ERICH3: variants seen among roughly 807,000 people sequenced by gnomAD.
ERICH3 encodes glutamate rich 3.
In ERICH3, 126 loss-of-function variants were observed where a neutral mutation model predicts 131.1. The observed-to-expected ratio is 0.96, with a 90% confidence interval of 0.83 to 1.11. The LOEUF is 1.11. ERICH3 is among the 50% of genes most tolerant of loss of function. ERICH3 has a pLI of 0.00. For synonymous variants in ERICH3, 695 were observed against 644.6 expected (o/e 1.08, Z -1.18); for missense variants, 2,050 against 1,810.7 (o/e 1.13, Z -2.40).
chr1:74,646,885 G>T, intron 2 of ERICH3, 93 bp from the exon 3 acceptor site: 1 of 293,686 alleles, frequency 3.4e-6, no homozygotes, highest in Non-Finnish European at 6.1e-6. Flanking sequence ...GGAGAAGACA[G>T]ACAGACACAC....
In ERICH3 at chr1:74,612,680, C is replaced by T. The variant is rs1197158563; in HGVS notation, c.1130G>A (p.Gly377Glu). The part of the protein sequence containing the change: ...EYKHRKGSRL[G>E]GKRGYFGFVC... ...AAACCCAAAGTAGCCTCGTTTGCCT[C>T]CAAGCCTGGAACCTTTCCGATGCTT... The change falls in exon 9 of 15, where the codon GGA becomes GAA. Residue 377 changes from glycine to glutamate, a missense_variant. Gly to Glu is a moderately conservative substitution (Grantham distance 98). Transcript: ENST00000326665. The T allele has an allele frequency of 6.3e-7, 1 of 1,596,010 alleles. No homozygotes were observed. Among genetic ancestry groups the T allele is most frequent in the Non-Finnish European group, 8.6e-7 (1 of 1,166,630 alleles).
At chr1:74,623,266 C>T (rs1649291713) in intron 7 of ERICH3, 1 of 152,188 alleles carries the variant, frequency 6.6e-6, no homozygotes, top group Admixed American at 6.5e-5. Context: ...TTTCAGATTT[C>T]TCAGGCAAGT....
At chr1:74,640,633 A>G (rs1465169885) in intron 5 of ERICH3, among the ~76,000 whole-genome samples, 3 of 152,166 alleles carry the variant, frequency 2.0e-5, no homozygotes, top group Non-Finnish European at 4.4e-5. Flanking sequence ...CTGTATCTAT[A>G]TTATTTCAAG....
intron 1 of ERICH3, among the ~76,000 whole-genome samples, chr1:74,659,011 A>G (rs1046928809): frequency 5.9e-5 from 9 of 152,170 alleles, no homozygotes; most frequent in African/African-American, 2.2e-4. Context: ...CCACATATAC[A>G]TTTGCCTGTG....
rs771793405 is a variant in ERICH3, at chr1:74,572,756, T to A, written c.2954A>T (p.Lys985Ile). Residue 985 changes from lysine (K) to isoleucine (I), a missense_variant, in exon 14 of 15, where the codon AAA becomes ATA. Lys to Ile is a moderately radical substitution (Grantham distance 102). Coordinates refer to ENST00000326665, the MANE Select transcript of ERICH3 (RefSeq NM_001002912.5). The part of the protein sequence containing the change: ...LGGEEPAKER[K>I]EVMRTETRLS... Reference sequence around the variant, plus strand: ...GCGTGTTTCTGTTCTCATAACCTCTTTTCTCTCTTTGGCTGGTTCCTCTCC... The same window carrying A: ...GCGTGTTTCTGTTCTCATAACCTCTATTCTCTCTTTGGCTGGTTCCTCTCC... 1 of 1,613,884 alleles carries A rather than the reference T, an allele frequency of 6.2e-7. No homozygotes were observed. The highest frequency in any genetic ancestry group is 2.2e-5 in the East Asian group (1 of 44,836).
intron 1 of ERICH3, among the ~76,000 whole-genome samples, chr1:74,672,531 C>T (rs572093924): frequency 3.6e-4 from 55 of 152,214 alleles, no homozygotes; most frequent in Admixed American, 1.5e-3. Flanking sequence ...TCCAACACAA[C>T]GACTAATGTG....
intron 11 of ERICH3, among the ~76,000 whole-genome samples, chr1:74,591,483 G>C (rs968555220): frequency 6.6e-6 from 1 of 152,176 alleles, no homozygotes; most frequent in Non-Finnish European, 1.5e-5. Context: ...GGCTCTTTGA[G>C]TCTGAGGGTG....
intron 12 of ERICH3, among the ~76,000 whole-genome samples, chr1:74,584,483 A>G (rs1228431620): frequency 1.3e-5 from 2 of 152,014 alleles, no homozygotes; most frequent in South Asian, 2.1e-4. Flanking sequence ...TATGCTCCCA[A>G]TTTGGGGCCA....
At chr1:74,631,949 A>T (rs1259143131) in intron 6 of ERICH3, 21 bp from the exon 7 acceptor site, 1 of 1,593,926 alleles carries the variant, frequency 6.3e-7, no homozygotes, top group South Asian at 1.1e-5. Flanking sequence ...ATTTCATCGC[A>T]TAAGAACCAG....
At chr1:74,636,481 G>T (rs1342262922) in intron 5 of ERICH3, 43 bp from the exon 6 acceptor site, 1 of 1,557,892 alleles carries the variant, frequency 6.4e-7, no homozygotes, top group Non-Finnish European at 8.7e-7. Flanking sequence ...TTAGTATCTT[G>T]ACATGTTTCC....
At chr1:74,649,961 T>C (rs561604881) in intron 1 of ERICH3, among the ~76,000 whole-genome samples, 77 of 152,244 alleles carry the variant, frequency 5.1e-4, no homozygotes, top group African/African-American at 1.8e-3. Flanking sequence ...ACATAATATG[T>C]AATTGTTTAT....
rs749216731 is a variant in ERICH3 at position 74,590,033 on chromosome 1, T to A, written c.1774A>T (p.Ser592Cys). ...STSSRSHPYS[S>C]DSEDESAVGD... The stretch of plus-strand genomic sequence containing the variant: ...ACTGCAGATTCATCCTCACTGTCAC[T>A]AGAATAAGGGTGACTTCTGGATGAG... Residue 592 changes from serine (S) to cysteine (C), a missense_variant, in exon 12 of 15, where the codon AGT (serine) becomes TGT (cysteine). Transcript: ENST00000326665. The A allele has an allele frequency of 6.2e-7, 1 of 1,613,754 alleles. No individual in the cohort carries two copies. Among genetic ancestry groups the A allele is most frequent in the African/African-American group, 1.3e-5 (1 of 75,044 alleles).
intron 1 of ERICH3, among the ~76,000 whole-genome samples, chr1:74,650,935 TAGAC>T (rs1234295947): frequency 1.4e-5 from 2 of 147,792 alleles, no homozygotes; most frequent in African/African-American, 5.0e-5. Context: ...CAGACAGAGA[TAGAC>T]AGAGGCAGAG....
chr1:74,584,740 T>C (rs1176542593), intron 12 of ERICH3, among the ~76,000 whole-genome samples: 2 of 152,288 alleles, frequency 1.3e-5, no homozygotes, highest in East Asian at 1.9e-4. Context: ...TCCTAGAATA[T>C]AAAATTCATG....
chr1:74,571,142 A>AC lies in ERICH3; in HGVS notation c.4567dup (p.Val1523GlyfsTer17). The AC allele has an allele frequency of 6.2e-7, 1 of 1,613,798 alleles. No individual in the cohort carries two copies. Among genetic ancestry groups the AC allele is most frequent in the Non-Finnish European group, 8.5e-7 (1 of 1,179,858 alleles). On this transcript the variant is annotated frameshift_variant, in exon 14 of 15. Coordinates refer to ENST00000326665, the MANE Select transcript of ERICH3 (RefSeq NM_001002912.5). LOFTEE classifies it low-confidence loss of function (END_TRUNC). Reference sequence around the variant, plus strand: ...CTAGACCTGCACGTTGTTGGGGGAAACATCTGCAGTCTCGCTTTCTCCTTG... The same window carrying AC: ...CTAGACCTGCACGTTGTTGGGGGAAACCATCTGCAGTCTCGCTTTCTCCTTG...
At chr1:74,582,829 A>G (rs1647202443) in intron 12 of ERICH3, among the ~76,000 whole-genome samples, 1 of 152,210 alleles carries the variant, frequency 6.6e-6, no homozygotes, top group Non-Finnish European at 1.5e-5. Flanking sequence ...ATTTTTTACC[A>G]TAAACTTTGA....
In ERICH3 at chr1:74,572,083, G is replaced by A. The variant is rs774556277; in HGVS notation, c.3627C>T (p.Arg1209=). 3 of 1,614,190 alleles carry A rather than the reference G, an allele frequency of 1.9e-6. No individual in the cohort carries two copies. Among genetic ancestry groups the A allele is most frequent in the Non-Finnish European group, 1.7e-6 (2 of 1,180,036 alleles). Reference sequence around the variant, plus strand: ...CTGCTAAGGCCCCCTCTCCATCTTGGCGGTGCCCTTCCTTCAGGGCCCTAT... The same window carrying A: ...CTGCTAAGGCCCCCTCTCCATCTTGACGGTGCCCTTCCTTCAGGGCCCTAT... ...RENRALKEGH[R]QDGEGALAAP... is the part of the protein sequence containing the mutation. Residue 1209 remains arginine (R), a synonymous_variant, in exon 14 of 15, where the codon CGC becomes CGT. Transcript: ENST00000326665.
intron 1 of ERICH3, among the ~76,000 whole-genome samples, chr1:74,649,774 C>T (rs1472120397): frequency 2.6e-5 from 4 of 152,130 alleles, no homozygotes; most frequent in East Asian, 3.9e-4. Context: ...CAGAATACAA[C>T]GTAGTCTCCC....
intron 10 of ERICH3, among the ~76,000 whole-genome samples, chr1:74,600,844 G>A (rs749377136): frequency 7.9e-5 from 12 of 151,606 alleles, no homozygotes; most frequent in African/African-American, 1.9e-4. Flanking sequence ...AAAAATTACC[G>A]AGAGAATAAA....
Sources: gnomAD v4.1 joint callset for allele counts (sites outside exome capture counted in the v4.1 genomes callset) on GRCh38, gnomAD v4.1.1 for gene constraint, MANE v1.5 for transcripts, NCBI Gene and HGNC (gene_info 2026-07-23, HGNC 2026-07-21) for gene names.